SLC25A51: variants seen among roughly 807,000 people sequenced by gnomAD.
SLC25A51 encodes the protein mitochondrial nicotinamide adenine dinucleotide transporter SLC25A51.
Under a neutral mutation model 19.1 loss-of-function variants are expected in SLC25A51, and 11 were observed. The ratio of observed to expected loss-of-function variants is 0.58; its 90% CI spans 0.36 to 0.96. The LOEUF is 0.96. SLC25A51 is among the 40% of genes least tolerant of loss of function. The pLI, the probability that SLC25A51 is intolerant of heterozygous loss-of-function variation, is 0.01. For missense variants in SLC25A51, 201 were observed against 365.4 expected, an observed-to-expected ratio of 0.55 and a Z score of 3.67; for synonymous variants, 105 against 133.6, an observed-to-expected ratio of 0.79 and a Z score of 1.47.
At chr9:37,885,603 C>G, downstream of SLC25A51, 3 of 748,838 alleles carry the variant, frequency 4.0e-6, no homozygotes, top group Admixed American at 3.9e-5. Flanking sequence ...GAGTTTCACT[C>G]TTTTTGGCAA....
At chr9:37,885,880 C>CG (rs200482049), downstream of SLC25A51, 16 of 1,593,450 alleles carry the variant, frequency 1.0e-5, no homozygotes, top group East Asian at 2.2e-5. Flanking sequence ...ACGTGCAAAC[C>CG]CCCCCCTCCC....
At chr9:37,901,083 C>A (rs1831837988) in intron 1 of SLC25A51, among the ~76,000 whole-genome samples, 1 of 152,126 alleles carries the variant, frequency 6.6e-6, no homozygotes, top group Non-Finnish European at 1.5e-5. Flanking sequence ...CCAGGCTGGT[C>A]TCAAACTCCT....
At chr9:37,886,980 G>A (rs375860631), downstream of SLC25A51, among the ~76,000 whole-genome samples, 3 of 147,122 alleles carry the variant, frequency 2.0e-5, no homozygotes, top group African/African-American at 5.0e-5. Context: ...TGGCTAACAC[G>A]ATGAAACCCC....
At chr9:37,900,130 T>C (rs1831814928) in intron 1 of SLC25A51, among the ~76,000 whole-genome samples, 180 bp from the exon 2 acceptor site, 1 of 147,924 alleles carries the variant, frequency 6.8e-6, no homozygotes, top group African/African-American at 2.5e-5. Flanking sequence ...GAGCCACTGC[T>C]CCCAGCCTAT....
At chr9:37,885,961 C>T (rs879098139), downstream of SLC25A51, 3 of 1,613,520 alleles carry the variant, frequency 1.9e-6, no homozygotes, top group South Asian at 2.2e-5. Flanking sequence ...AACGGGACAA[C>T]AGGGTCACTT....
At chr9:37,892,381 G>A (rs1253607341) in intron 2 of SLC25A51, among the ~76,000 whole-genome samples, 4 of 152,200 alleles carry the variant, frequency 2.6e-5, no homozygotes, top group Admixed American at 2.6e-4. Context: ...TTGGGCTAAA[G>A]GAGCAGCGGC....
chr9:37,883,585 T>C (rs1235608243), downstream of SLC25A51, among the ~76,000 whole-genome samples: 5 of 152,212 alleles, frequency 3.3e-5, no homozygotes, highest in Admixed American at 3.3e-4. Context: ...ATGGTGTCTA[T>C]TCCCAGGGCC....
intron 2 of SLC25A51, among the ~76,000 whole-genome samples, chr9:37,897,067 T>C (rs1370500696): frequency 1.3e-5 from 2 of 152,208 alleles, no homozygotes; most frequent in Non-Finnish European, 2.9e-5. Context: ...GATCATCTTT[T>C]CAAAATTGAA....
In SLC25A51 at chr9:37,887,923, G is replaced by A. The variant is rs761863244; in HGVS notation, c.628C>T (p.His210Tyr). Residue 210 changes from histidine to tyrosine, a missense_variant, in exon 3 of 3, where the codon CAT becomes TAT. Transcript: ENST00000242275. The part of the protein sequence containing the change: ...HLPTATTHSA[H>Y]LVNDFICGGL... ...CCACAGATAAAATCATTGACCAGATGAGCACTGTGAGTCGTTGCGGTAGGC... is the reference window on the plus strand; with the variant it reads ...CCACAGATAAAATCATTGACCAGATAAGCACTGTGAGTCGTTGCGGTAGGC... 6.2e-7 allele frequency: 1 copy of A among 1,611,990 alleles called. No individual in the cohort carries two copies. Among genetic ancestry groups the A allele is most frequent in the Non-Finnish European group, 8.5e-7 (1 of 1,179,856 alleles).
exon 4 of SLC25A51, chr9:37,880,448 G>A (rs570286320): frequency 4.0e-5 from 6 of 151,834 alleles, no homozygotes; most frequent in South Asian, 4.1e-4. Flanking sequence ...AGTTGGGAAC[G>A]TCAGATAAAT....
chr9:37,880,796 CA>C (rs1178300178), intron 3 of SLC25A51: 1 of 152,086 alleles, frequency 6.6e-6, no homozygotes, highest in African/African-American at 2.4e-5. Context: ...AGATGGGAAC[CA>C]GTCTCTTGGG....
chr9:37,888,959 G>T (rs1490321193), intron 2 of SLC25A51, among the ~76,000 whole-genome samples: 1 of 152,162 alleles, frequency 6.6e-6, no homozygotes, highest in Non-Finnish European at 1.5e-5. Flanking sequence ...AGAAAAAAAT[G>T]GGAGGCATGA....
At position 37,888,044 on chromosome 9, in the gene SLC25A51, A is replaced by G; in HGVS notation, c.507T>C (p.Ile169=). The G allele has an allele frequency of 6.2e-7, 1 of 1,613,424 alleles. No homozygotes were observed. ...QAFKALKCHG[I]GEYYRGLVPI... The stretch of plus-strand genomic sequence containing the variant: ...GCACCAAGCCTCGATAATACTCTCC[A>G]ATTCCATGACATTTCAGTGCCTTGA... Residue 169 remains isoleucine, a synonymous_variant, in exon 3 of 3, where the codon ATT becomes ATC. Transcript: ENST00000242275.
chr9:37,892,514 G>A (rs1290473165), intron 2 of SLC25A51, among the ~76,000 whole-genome samples: 1 of 151,880 alleles, frequency 6.6e-6, no homozygotes, highest in Non-Finnish European at 1.5e-5. Context: ...AAGACCCTCT[G>A]AACAATACTA....
chr9:37,889,225 C>A (rs566613120), intron 2 of SLC25A51, among the ~76,000 whole-genome samples: 1 of 152,264 alleles, frequency 6.6e-6, no homozygotes, highest in South Asian at 2.1e-4. Flanking sequence ...GGCCCACATT[C>A]CTCCCCTGAG....
downstream of SLC25A51, among the ~76,000 whole-genome samples, chr9:37,882,905 G>A (rs1486260914): frequency 9.2e-5 from 14 of 152,170 alleles, 1 homozygote; most frequent in African/African-American, 2.4e-4. Context: ...GTGCAGTGGC[G>A]CAATCTCGGC....
rs1018562691 is a variant in SLC25A51 at position 37,903,957 on chromosome 9, A to T, written c.-165+111T>A. On this transcript the variant is annotated intron_variant, in intron 1 of 2. Transcript: ENST00000242275. ...CAGCCGGAGCGCGCAGAAGACAGGG[A>T]TGGGCCCCCAGGGCGGCAGCCTGCC... 7 of 152,592 alleles carry T rather than the reference A, an allele frequency of 4.6e-5. No individual in the cohort carries two copies. The East Asian group carries it at 1.4e-3, about 29-fold the overall frequency. 9.5% of individuals were successfully genotyped at this position (152,592 alleles called of 1,614,324 possible). A position where few individuals can be genotyped will look rare whatever the true frequency, so the allele number is the denominator to read the frequency against.
chr9:37,882,252 A>C (rs1179493472), intron 2 of SLC25A51, among the ~76,000 whole-genome samples: 3 of 152,196 alleles, frequency 2.0e-5, no homozygotes, highest in Admixed American at 2.0e-4. Flanking sequence ...CCTTTCTTCA[A>C]ATGTAATCTC....
intron 2 of SLC25A51, among the ~76,000 whole-genome samples, chr9:37,896,955 T>G (rs1340905948): frequency 6.6e-6 from 1 of 152,126 alleles, no homozygotes; most frequent in African/African-American, 2.4e-5. Context: ...ATAAGTGCAA[T>G]CATAGAAGGT....
Sources: gnomAD v4.1 joint callset for allele counts (sites outside exome capture counted in the v4.1 genomes callset) on GRCh38, gnomAD v4.1.1 for gene constraint, MANE v1.5 for transcripts, NCBI Gene and HGNC (gene_info 2026-07-23, HGNC 2026-07-21) for gene names.